Variants in LYPLAL1 observed in about 807,000 individuals in gnomAD.
The protein encoded by LYPLAL1 is lysophospholipase-like protein 1.
A neutral mutation model predicts 19.7 loss-of-function variants in LYPLAL1; 23 were observed. The observed-to-expected ratio is 1.17, with a 90% CI of 0.84 to 1.65. The LOEUF is 1.65. Among genes scored for constraint, LYPLAL1 ranks in the 40% most tolerant of loss-of-function variants. The pLI is 0.00. For missense variants in LYPLAL1, 355 were observed against 279.4 expected, an observed-to-expected ratio of 1.27 and a Z score of -1.93; for synonymous variants, 119 against 96.3, an observed-to-expected ratio of 1.24 and a Z score of -1.38.
the LYPLAL1 span, among the ~76,000 whole-genome samples, chr1:219,288,499 A>G: frequency 6.6e-6 from 1 of 152,202 alleles, no homozygotes; most frequent in Non-Finnish European, 1.5e-5. Context: ...GAAAATTTTC[A>G]GGGCAGTGAA....
chr1:219,423,175 ACAT>A, the LYPLAL1 span, among the ~76,000 whole-genome samples: 1 of 152,168 alleles, frequency 6.6e-6, no homozygotes, highest in Non-Finnish European at 1.5e-5. Flanking sequence ...CATGTACAAC[ACAT>A]CATTACTCAG....
chr1:219,221,304 A>G, the LYPLAL1 span, among the ~76,000 whole-genome samples: 5 of 152,160 alleles, frequency 3.3e-5, no homozygotes, highest in African/African-American at 9.7e-5. Context: ...GGGAACCTCT[A>G]TGAATCAGGG....
At chr1:219,299,639 T>C in the LYPLAL1 span, among the ~76,000 whole-genome samples, 3 of 152,188 alleles carry the variant, frequency 2.0e-5, no homozygotes, top group African/African-American at 4.8e-5. Context: ...AGTCCAGGAA[T>C]GTCTGACTGT....
At chr1:219,186,713 C>A (rs1225624660) in intron 2 of LYPLAL1, among the ~76,000 whole-genome samples, 2 of 151,484 alleles carry the variant, frequency 1.3e-5, no homozygotes, top group African/African-American at 4.8e-5. Flanking sequence ...ATGTCTTTTT[C>A]CATTCTTTTG....
At chr1:219,227,191 A>AGTTT in the LYPLAL1 span, among the ~76,000 whole-genome samples, 1 of 152,256 alleles carries the variant, frequency 6.6e-6, no homozygotes, top group Non-Finnish European at 1.5e-5. Flanking sequence ...AACGCAGACG[A>AGTTT]AAATCTCTGC....
the LYPLAL1 span, among the ~76,000 whole-genome samples, chr1:219,369,601 G>A: frequency 1.3e-5 from 2 of 152,184 alleles, no homozygotes; most frequent in African/African-American, 2.4e-5. Flanking sequence ...AGCCTTGTAC[G>A]TGAATGATAA....
the LYPLAL1 span, among the ~76,000 whole-genome samples, chr1:219,428,613 C>A: frequency 1.3e-5 from 2 of 152,186 alleles, no homozygotes; most frequent in Non-Finnish European, 2.9e-5. Context: ...GCACAAATAA[C>A]TACAATATGT....
the LYPLAL1 span, among the ~76,000 whole-genome samples, chr1:219,295,324 G>A: frequency 2.0e-5 from 3 of 152,122 alleles, no homozygotes; most frequent in Admixed American, 6.6e-5. Context: ...GGAAGAGATT[G>A]TATCATTTTC....
At chr1:219,195,542 A>G (rs1303311157) in intron 3 of LYPLAL1, among the ~76,000 whole-genome samples, 2 of 152,056 alleles carry the variant, frequency 1.3e-5, no homozygotes, top group African/African-American at 4.8e-5. Flanking sequence ...ACTGCTGTCC[A>G]TTTGTCTCTT....
At chr1:219,209,484 A>G (rs552955189) in intron 3 of LYPLAL1, among the ~76,000 whole-genome samples, 1 of 152,234 alleles carries the variant, frequency 6.6e-6, no homozygotes, top group South Asian at 2.1e-4. Context: ...AGTTCCCTCC[A>G]TGTATAAAAG....
chr1:219,276,289 A>G, the LYPLAL1 span, among the ~76,000 whole-genome samples: 1 of 152,188 alleles, frequency 6.6e-6, no homozygotes, highest in East Asian at 1.9e-4. Flanking sequence ...TGAAGGCCTA[A>G]TAGCTTCACA....
At chr1:219,267,320 A>G in the LYPLAL1 span, among the ~76,000 whole-genome samples, 1 of 152,146 alleles carries the variant, frequency 6.6e-6, no homozygotes, top group African/African-American at 2.4e-5. Context: ...ACATTTTCCC[A>G]AAGAGCTAAT....
At chr1:219,218,877 A>G in the LYPLAL1 span, among the ~76,000 whole-genome samples, 47 of 152,244 alleles carry the variant, frequency 3.1e-4, no homozygotes, top group African/African-American at 1.0e-3. Context: ...ACTAACCTCA[A>G]CTGTGCCTCC....
At chr1:219,394,114 A>T in the LYPLAL1 span, among the ~76,000 whole-genome samples, 1 of 152,158 alleles carries the variant, frequency 6.6e-6, no homozygotes, top group Non-Finnish European at 1.5e-5. Context: ...ACTACTAGAT[A>T]TAAGATAAGC....
At chr1:219,380,388 A>G in the LYPLAL1 span, among the ~76,000 whole-genome samples, 3 of 152,226 alleles carry the variant, frequency 2.0e-5, no homozygotes, top group Non-Finnish European at 4.4e-5. Flanking sequence ...ACACAAGCCA[A>G]TGGGAGTCCC....
At chr1:219,341,253 T>C in the LYPLAL1 span, among the ~76,000 whole-genome samples, 1 of 152,134 alleles carries the variant, frequency 6.6e-6, no homozygotes. Context: ...AAATACTTCA[T>C]GGAGTGCATA....
At chr1:219,248,123 A>G in the LYPLAL1 span, among the ~76,000 whole-genome samples, 2 of 152,206 alleles carry the variant, frequency 1.3e-5, no homozygotes, top group Admixed American at 1.3e-4. Context: ...CAAGTTTCCA[A>G]TCACTTAACA....
the LYPLAL1 span, among the ~76,000 whole-genome samples, chr1:219,402,024 G>C: frequency 1.3e-5 from 2 of 152,160 alleles, no homozygotes; most frequent in Non-Finnish European, 1.5e-5. Flanking sequence ...ATTTCTAAGA[G>C]AAATGTACCC....
At chr1:219,341,136 T>G in the LYPLAL1 span, among the ~76,000 whole-genome samples, 4 of 152,082 alleles carry the variant, frequency 2.6e-5, no homozygotes, top group African/African-American at 9.7e-5. Context: ...ACCCACAGAC[T>G]TATAATGCAT....
Sources: gnomAD v4.1 joint callset for allele counts (sites outside exome capture counted in the v4.1 genomes callset) on GRCh38, gnomAD v4.1.1 for gene constraint, MANE v1.5 for transcripts, NCBI Gene and HGNC (gene_info 2026-07-23, HGNC 2026-07-21) for gene names.